The following HCN1 variants were observed in gnomAD, a reference collection of about 807,000 sequenced individuals.
HCN1 encodes the protein potassium/sodium hyperpolarization-activated cyclic nucleotide-gated channel 1.
A neutral mutation model predicts 78.9 loss-of-function variants in HCN1; 13 were observed. That is an observed-to-expected ratio of 0.16 (90% CI 0.11 to 0.26). The LOEUF (loss-of-function observed/expected upper bound fraction) is 0.26, where lower values mean the gene tolerates loss of function less well. Among genes scored for constraint, HCN1 ranks in the 10% least tolerant of loss-of-function variants. The pLI is 1.00. For synonymous variants in HCN1, 552 were observed against 455.5 expected, an observed-to-expected ratio of 1.21 and a Z score of -2.70; for missense variants, 810 against 1,154.3, an observed-to-expected ratio of 0.70 and a Z score of 4.32.
chr5:45,554,805 T>C (rs1190759493), intron 2 of HCN1, among the ~76,000 whole-genome samples: 1 of 151,908 alleles, frequency 6.6e-6, no homozygotes, highest in Non-Finnish European at 1.5e-5. Flanking sequence ...AAAAACTTTC[T>C]AACTTTCTTC....
chr5:45,510,124 CA>C (rs1209987535), intron 2 of HCN1, among the ~76,000 whole-genome samples: 3 of 151,902 alleles, frequency 2.0e-5, no homozygotes, highest in African/African-American at 7.3e-5. Flanking sequence ...ATGGTCTATC[CA>C]AAAAATGGTA....
intron 2 of HCN1, among the ~76,000 whole-genome samples, chr5:45,495,991 G>T (rs1333235840): frequency 1.3e-5 from 2 of 152,142 alleles, no homozygotes; most frequent in African/African-American, 2.4e-5. Context: ...TGTGCTGCTG[G>T]ATTCGGTTTG....
At chr5:45,344,852 A>G (rs2111969923) in intron 5 of HCN1, among the ~76,000 whole-genome samples, 1 of 152,154 alleles carries the variant, frequency 6.6e-6, no homozygotes, top group East Asian at 2.0e-4. Context: ...TGGTGGATCA[A>G]CCATTCTGGG....
At chr5:45,374,046 T>TAA (rs1491239105) in intron 4 of HCN1, among the ~76,000 whole-genome samples, 3 of 91,218 alleles carry the variant, frequency 3.3e-5, no homozygotes, top group Non-Finnish European at 4.2e-5. Context: ...ATAATATATA[T>TAA]TATATATATT....
At chr5:45,307,087 G>A (rs1455212670) in intron 5 of HCN1, among the ~76,000 whole-genome samples, 1 of 151,938 alleles carries the variant, frequency 6.6e-6, no homozygotes, top group African/African-American at 2.4e-5. Context: ...GGGACACAGG[G>A]GCCAACTGAA....
intron 5 of HCN1, among the ~76,000 whole-genome samples, chr5:45,304,568 C>T (rs978177631): frequency 4.6e-5 from 7 of 151,866 alleles, no homozygotes; most frequent in African/African-American, 7.3e-5. Flanking sequence ...CCCAGCTACT[C>T]GGGAGGCTGA....
At chr5:45,311,745 A>C (rs1159012493) in intron 5 of HCN1, among the ~76,000 whole-genome samples, 2 of 152,236 alleles carry the variant, frequency 1.3e-5, no homozygotes, top group African/African-American at 2.4e-5. Context: ...TTGAAAATGC[A>C]TGAGACCTGC....
chr5:45,691,374 CATA>C (rs1489637133), intron 1 of HCN1, among the ~76,000 whole-genome samples: 7 of 151,954 alleles, frequency 4.6e-5, no homozygotes, highest in African/African-American at 1.7e-4. Flanking sequence ...TAGTATAAAT[CATA>C]ATATCTACTA....
rs767837343 is a variant in HCN1 at position 45,262,501 on chromosome 5, G to A, written c.2093C>T (p.Ser698Phe). Residue 698 changes from serine to phenylalanine, a missense_variant, in exon 8 of 8, where the codon TCC becomes TTC. Ser to Phe is a radical substitution (Grantham distance 155). Coordinates refer to ENST00000303230, the MANE Select transcript of HCN1 (RefSeq NM_021072.4). ...AGGGCTGCAGACCGCGGTGGTGTAG[G>A]AGCAGGGTGACAGGATGGCTGATGG... The part of the protein sequence containing the change: ...PQPSAILSPC[S>F]YTTAVCSPPV... 2 of 1,613,744 alleles carry A rather than the reference G, an allele frequency of 1.2e-6. No individual in the cohort carries two copies. Among genetic ancestry groups the A allele is most frequent in the Non-Finnish European group, 1.7e-6 (2 of 1,179,974 alleles).
chr5:45,329,761 C>A (rs1240386860), intron 5 of HCN1, among the ~76,000 whole-genome samples: 1 of 151,334 alleles, frequency 6.6e-6, no homozygotes, highest in Non-Finnish European at 1.5e-5. Context: ...CCACCAGAAT[C>A]TAAAATTCAG....
At chr5:45,367,250 T>C (rs147310680) in intron 4 of HCN1, among the ~76,000 whole-genome samples, 1 of 151,856 alleles carries the variant, frequency 6.6e-6, no homozygotes, top group East Asian at 1.9e-4. Flanking sequence ...ATTACACACA[T>C]ATATGTATGT....
intron 2 of HCN1, among the ~76,000 whole-genome samples, chr5:45,598,996 C>A (rs562478653): frequency 1.3e-5 from 2 of 152,166 alleles, no homozygotes; most frequent in Non-Finnish European, 2.9e-5. Context: ...CATTGTGGAG[C>A]ACAGTGTGGC....
chr5:45,652,317 CTCCCA>C (rs1745690215), intron 1 of HCN1, among the ~76,000 whole-genome samples: 1 of 151,852 alleles, frequency 6.6e-6, no homozygotes, highest in Non-Finnish European at 1.5e-5. Flanking sequence ...ACTTGAAACT[CTCCCA>C]AAGCTTTGAT....
chr5:45,477,481 C>CA (rs1018967578), intron 2 of HCN1, among the ~76,000 whole-genome samples: 26 of 151,968 alleles, frequency 1.7e-4, no homozygotes, highest in African/African-American at 6.0e-4. Context: ...GAATAAAGGT[C>CA]AGGGAAAAAA....
At chr5:45,399,210 G>A (rs1463463315) in intron 3 of HCN1, among the ~76,000 whole-genome samples, 2 of 152,188 alleles carry the variant, frequency 1.3e-5, no homozygotes, top group African/African-American at 4.8e-5. Flanking sequence ...TCTGGGACCA[G>A]TCCTGGTTTG....
chr5:45,485,665 A>T (rs1741742071), intron 2 of HCN1, among the ~76,000 whole-genome samples: 1 of 152,170 alleles, frequency 6.6e-6, no homozygotes, highest in Admixed American at 6.6e-5. Context: ...TGTAAAAAAA[A>T]TACAACTCAG....
At chr5:45,264,268 G>A (rs1194061441) in intron 7 of HCN1, among the ~76,000 whole-genome samples, 2 of 152,016 alleles carry the variant, frequency 1.3e-5, no homozygotes, top group Non-Finnish European at 1.5e-5. Flanking sequence ...TTGCAATACA[G>A]CTTTTCCTGC....
intron 2 of HCN1, among the ~76,000 whole-genome samples, chr5:45,640,088 G>A (rs1745423803): frequency 6.6e-6 from 1 of 152,164 alleles, no homozygotes; most frequent in South Asian, 2.1e-4. Context: ...CTTGTGCAAA[G>A]CAATTGTGTT....
chr5:45,462,059 C>A (rs1295809622), intron 2 of HCN1, 52 bp from the exon 3 acceptor site: 3 of 1,413,010 alleles, frequency 2.1e-6, no homozygotes, highest in Admixed American at 1.8e-5. Context: ...TTAGAAAAAT[C>A]AAGCATACTA....
Sources: gnomAD v4.1 joint callset for allele counts (sites outside exome capture counted in the v4.1 genomes callset) on GRCh38, gnomAD v4.1.1 for gene constraint, MANE v1.5 for transcripts, NCBI Gene and HGNC (gene_info 2026-07-23, HGNC 2026-07-21) for gene names.